The following NEIL3 variants were observed in gnomAD, a reference collection of about 807,000 sequenced individuals.
The protein encoded by NEIL3 is nei like DNA glycosylase 3.
NEIL3 carries 48 observed loss-of-function variants against 57.5 expected under a neutral mutation model. The observed-to-expected ratio is 0.83, with a 90% confidence interval of 0.66 to 1.06. The LOEUF (loss-of-function observed/expected upper bound fraction) is 1.06, where lower values mean the gene tolerates loss of function less well. NEIL3 is among the 50% of genes least tolerant of loss of function. NEIL3 has a pLI of 0.00. For missense variants in NEIL3, 717 were observed against 739.1 expected (o/e 0.97, Z 0.35); for synonymous variants, 261 against 253.2 (o/e 1.03, Z -0.29).
intron 2 of NEIL3, among the ~76,000 whole-genome samples, chr4:177,323,146 A>G (rs1325888623): frequency 6.6e-6 from 1 of 152,212 alleles, no homozygotes; most frequent in Non-Finnish European, 1.5e-5. Flanking sequence ...TGTTGACTTA[A>G]TGATAAAAAA....
chr4:177,362,196 G>A lies in NEIL3; in HGVS notation c.1636-93G>A. 7.4e-6 allele frequency: 6 copies of A among 811,498 alleles called. 1 individual carries two copies. The highest frequency in any genetic ancestry group is 1.1e-5 in the Non-Finnish European group (6 of 544,444). 50.3% of individuals were successfully genotyped at this position (811,498 alleles called of 1,614,324 possible). ...TCAAATTAATGATAACAGCAGTGAAGACTATATGGCACTAATCACATGTGC... is the reference window on the plus strand; with the variant it reads ...TCAAATTAATGATAACAGCAGTGAAAACTATATGGCACTAATCACATGTGC... On this transcript the variant is annotated intron_variant, in intron 9 of 9. Coordinates refer to ENST00000264596, the MANE Select transcript of NEIL3 (RefSeq NM_018248.3).
chr4:177,342,085 T>C (rs1735107419), intron 6 of NEIL3, among the ~76,000 whole-genome samples: 1 of 152,204 alleles, frequency 6.6e-6, no homozygotes, highest in African/African-American at 2.4e-5. Flanking sequence ...TGCCAGTTGC[T>C]GAGTATGTCT....
At chr4:177,350,046 A>C (rs1735320383) in intron 6 of NEIL3, among the ~76,000 whole-genome samples, 1 of 152,192 alleles carries the variant, frequency 6.6e-6, no homozygotes, top group Admixed American at 6.5e-5. Context: ...AAGTCAAGGG[A>C]AGTAAAGATA....
chr4:177,335,200 A>G (rs544915741), intron 2 of NEIL3, among the ~76,000 whole-genome samples: 9 of 152,322 alleles, frequency 5.9e-5, no homozygotes, highest in African/African-American at 1.4e-4. Context: ...TTATTTTGCA[A>G]TAGGTAATTA....
At chr4:177,312,229 A>G (rs987295725) in intron 1 of NEIL3, among the ~76,000 whole-genome samples, 3 of 152,132 alleles carry the variant, frequency 2.0e-5, no homozygotes, top group Non-Finnish European at 4.4e-5. Flanking sequence ...ACTTTAAGTA[A>G]ATTTGCCCAA....
At chr4:177,310,273 G>C (rs1241566218) in intron 1 of NEIL3, among the ~76,000 whole-genome samples, 164 bp downstream of exon 1, 1 of 152,216 alleles carries the variant, frequency 6.6e-6, no homozygotes, top group Non-Finnish European at 1.5e-5. Context: ...GGGAGAAGTC[G>C]GTCCTAGCGC....
At chr4:177,330,004 C>T (rs928030027) in intron 2 of NEIL3, among the ~76,000 whole-genome samples, 4 of 152,088 alleles carry the variant, frequency 2.6e-5, no homozygotes, top group East Asian at 3.9e-4. Flanking sequence ...CTCTACCTCC[C>T]GGGTTCAAGT....
intron 2 of NEIL3, among the ~76,000 whole-genome samples, chr4:177,324,950 C>CAGATAGATAGATAGATAGAT (rs56773423): frequency 1.4e-4 from 21 of 149,450 alleles, no homozygotes; most frequent in East Asian, 6.0e-4. Context: ...ATTTAAAAAA[C>CAGATAGATAGATAGATAGAT]AGATAGATAG....
At chr4:177,338,022 TCTCA>T (rs1425848242) in intron 4 of NEIL3, among the ~76,000 whole-genome samples, 72 of 129,246 alleles carry the variant, frequency 5.6e-4, no homozygotes, top group Admixed American at 3.0e-3. Context: ...TGTCTCTCTC[TCTCA>T]CACACACACA....
Position 177,339,823 on chromosome 4 carries a change from A to C in NEIL3, c.668A>C (p.Lys223Thr). The C allele has an allele frequency of 6.2e-7, 1 of 1,613,876 alleles. No homozygotes were observed. Among genetic ancestry groups the C allele is most frequent in the Non-Finnish European group, 8.5e-7 (1 of 1,179,786 alleles). Reference protein sequence around the residue: ...LTDEQIHHLMKMIRDFSILFY... With the variant: ...LTDEQIHHLMTMIRDFSILFY... ...GATGAACAGATCCATCACCTCATGA[A>C]AATGATACGTGATTTCAGCATTCTC... Residue 223 changes from lysine (K) to threonine (T), a missense_variant, in exon 5 of 10, where the codon AAA (lysine) becomes ACA (threonine). By Grantham distance (78) the Lys-to-Thr change is moderately conservative. Coordinates refer to ENST00000264596, the MANE Select transcript of NEIL3 (RefSeq NM_018248.3).
At chr4:177,338,024 T>TAACACACACACA (rs1735011625) in intron 4 of NEIL3, among the ~76,000 whole-genome samples, 2 of 149,368 alleles carry the variant, frequency 1.3e-5, no homozygotes, top group African/African-American at 4.9e-5. Context: ...TCTCTCTCTC[T>TAACACACACACA]CACACACACA....
chr4:177,334,927 A>T (rs1453480579), intron 2 of NEIL3, among the ~76,000 whole-genome samples: 1 of 152,214 alleles, frequency 6.6e-6, no homozygotes. Flanking sequence ...TAAAAACTGG[A>T]CATGCTAATC....
At chr4:177,323,508 C>T (rs1161240989) in intron 2 of NEIL3, among the ~76,000 whole-genome samples, 1 of 152,136 alleles carries the variant, frequency 6.6e-6, no homozygotes, top group Non-Finnish European at 1.5e-5. Flanking sequence ...ATTGCTTTTC[C>T]TTTGAGGTGT....
intron 4 of NEIL3, among the ~76,000 whole-genome samples, chr4:177,336,797 C>T (rs929077893): frequency 6.6e-6 from 1 of 152,158 alleles, no homozygotes; most frequent in Non-Finnish European, 1.5e-5. Flanking sequence ...CTTATTTTCT[C>T]TCTCTGGCAT....
intron 8 of NEIL3, among the ~76,000 whole-genome samples, chr4:177,355,223 C>T (rs1382251657): frequency 6.6e-6 from 1 of 152,140 alleles, no homozygotes; most frequent in Non-Finnish European, 1.5e-5. Context: ...AATGGAGGGT[C>T]GTCCTCCCAT....
chr4:177,354,853 A>T (rs1735441720), intron 8 of NEIL3, among the ~76,000 whole-genome samples: 1 of 152,234 alleles, frequency 6.6e-6, no homozygotes, highest in Non-Finnish European at 1.5e-5. Context: ...TTGTAATTCT[A>T]ACTAAGAAAT....
At chr4:177,360,356 C>T (rs1490048763) in intron 8 of NEIL3, 147 bp from the exon 9 acceptor site, 2 of 478,480 alleles carry the variant, frequency 4.2e-6, no homozygotes, top group East Asian at 6.4e-5. Context: ...TAAAGACAGC[C>T]TTTTGCATAA....
At chr4:177,313,240 A>G (rs1408066871) in intron 1 of NEIL3, among the ~76,000 whole-genome samples, 2 of 152,218 alleles carry the variant, frequency 1.3e-5, no homozygotes, top group Non-Finnish European at 2.9e-5. Flanking sequence ...CAAACCAAAA[A>G]ACACTACTTC....
intron 1 of NEIL3, among the ~76,000 whole-genome samples, chr4:177,314,904 C>T (rs1560906402): frequency 2.7e-5 from 4 of 147,546 alleles, no homozygotes; most frequent in South Asian, 2.2e-4. Flanking sequence ...AGTGAAACCC[C>T]GTATCTACTA....
Sources: gnomAD v4.1 joint callset for allele counts (sites outside exome capture counted in the v4.1 genomes callset) on GRCh38, gnomAD v4.1.1 for gene constraint, MANE v1.5 for transcripts, NCBI Gene and HGNC (gene_info 2026-07-23, HGNC 2026-07-21) for gene names.